Variants in SCFD2 observed in about 807,000 individuals in gnomAD.
The protein encoded by SCFD2 is sec1 family domain-containing protein 2.
Under a neutral mutation model 58.9 loss-of-function variants are expected in SCFD2, and 54 were observed. The ratio of observed to expected loss-of-function variants is 0.92; its 90% CI spans 0.74 to 1.15. SCFD2 has a LOEUF of 1.15. SCFD2 is among the 50% of genes most tolerant of loss of function. The pLI is 0.00. For synonymous variants in SCFD2, 321 were observed against 335.9 expected, an observed-to-expected ratio of 0.96 and a Z score of 0.49; for missense variants, 805 against 836.6, an observed-to-expected ratio of 0.96 and a Z score of 0.47.
chr4:53,031,635 C>A (rs1416271172), intron 5 of SCFD2, among the ~76,000 whole-genome samples: 2 of 151,996 alleles, frequency 1.3e-5, no homozygotes, highest in Non-Finnish European at 2.9e-5. Context: ...ACTTCATGAA[C>A]CATACACAAG....
At chr4:53,083,605 T>A (rs1724214229) in intron 5 of SCFD2, among the ~76,000 whole-genome samples, 1 of 152,158 alleles carries the variant, frequency 6.6e-6, no homozygotes, top group Admixed American at 6.6e-5. Context: ...TTCATCATTA[T>A]TGGGGGAACC....
intron 6 of SCFD2, among the ~76,000 whole-genome samples, chr4:52,911,675 C>T (rs1426716914): frequency 6.6e-6 from 1 of 152,174 alleles, no homozygotes; most frequent in Non-Finnish European, 1.5e-5. Flanking sequence ...TCATTTCTTA[C>T]ATTTTTTGGT....
intron 4 of SCFD2, among the ~76,000 whole-genome samples, chr4:53,230,288 T>C (rs1393099448): frequency 1.3e-5 from 2 of 152,114 alleles, no homozygotes; most frequent in African/African-American, 4.8e-5. Context: ...ACCCAAAGGA[T>C]TAGAAATCAT....
At chr4:52,895,955 G>A (rs967198951) in intron 7 of SCFD2, among the ~76,000 whole-genome samples, 1 of 152,182 alleles carries the variant, frequency 6.6e-6, no homozygotes, top group Non-Finnish European at 1.5e-5. Context: ...CTGCATAAAT[G>A]TCTTCTTTTG....
intron 5 of SCFD2, among the ~76,000 whole-genome samples, chr4:52,977,875 C>T (rs1203910315): frequency 2.0e-5 from 3 of 152,136 alleles, no homozygotes; most frequent in African/African-American, 4.8e-5. Context: ...ACTTCGTCTA[C>T]GGCAGATGAG....
intron 4 of SCFD2, among the ~76,000 whole-genome samples, chr4:53,192,997 T>C (rs924830229): frequency 2.0e-5 from 3 of 152,092 alleles, no homozygotes; most frequent in Non-Finnish European, 4.4e-5. Flanking sequence ...TATAAAAATA[T>C]ACAAATTAAA....
At position 52,953,415 on chromosome 4, in the gene SCFD2, C is replaced by T. The variant is rs1720645101; in HGVS notation, c.1562-32545G>A. ...ACCTCTACTATGTCTACAAGATAGA[C>T]AAGTTCACAGACAGCGCTGGACACC... On this transcript the variant is annotated intron_variant, in intron 5 of 8. Transcript: ENST00000401642. 2.6e-5 allele frequency among the ~76,000 whole-genome samples: 4 copies of T among 152,298 alleles called. No individual in the cohort carries two copies. In the South Asian group the frequency reaches 8.3e-4, roughly 32 times the overall value.
intron 5 of SCFD2, among the ~76,000 whole-genome samples, chr4:53,079,751 TGTG>T (rs1395528601): frequency 6.6e-6 from 1 of 152,130 alleles, no homozygotes; most frequent in Non-Finnish European, 1.5e-5. Flanking sequence ...CCCCTTACAT[TGTG>T]CTTTATAACC....
intron 4 of SCFD2, among the ~76,000 whole-genome samples, chr4:53,187,127 T>TC (rs1190423364): frequency 6.6e-6 from 1 of 151,746 alleles, no homozygotes; most frequent in African/African-American, 2.4e-5. Context: ...AGATTAAAAC[T>TC]CCAGTAGAAA....
At chr4:53,242,835 A>G (rs1311652788) in intron 4 of SCFD2, among the ~76,000 whole-genome samples, 1 of 152,226 alleles carries the variant, frequency 6.6e-6, no homozygotes, top group African/African-American at 2.4e-5. Context: ...TCAAAATGTA[A>G]TATCACAAGT....
intron 5 of SCFD2, among the ~76,000 whole-genome samples, chr4:53,113,171 A>G (rs72624190): frequency 0.36 from 54,227 of 151,980 alleles, 11,016 homozygotes; most frequent in Non-Finnish European, 0.44. Flanking sequence ...ACCCTTTCCT[A>G]ACTTCAAGAC....
chr4:53,121,794 T>C (rs1457171529), intron 5 of SCFD2, among the ~76,000 whole-genome samples: 1 of 152,226 alleles, frequency 6.6e-6, no homozygotes, highest in Non-Finnish European at 1.5e-5. Context: ...CTGCATATTG[T>C]TTCATATTAC....
intron 5 of SCFD2, among the ~76,000 whole-genome samples, chr4:53,115,852 T>C (rs1345900606): frequency 6.6e-6 from 1 of 152,192 alleles, no homozygotes; most frequent in Non-Finnish European, 1.5e-5. Context: ...AGAATAAAAA[T>C]AAAATGCTGC....
chr4:53,191,810 A>G (rs886609566), intron 4 of SCFD2, among the ~76,000 whole-genome samples: 3 of 152,194 alleles, frequency 2.0e-5, no homozygotes, highest in African/African-American at 7.2e-5. Context: ...AACAGAAAGC[A>G]CCAATTAGAA....
intron 5 of SCFD2, among the ~76,000 whole-genome samples, chr4:53,107,657 A>C (rs1725045567): frequency 6.6e-6 from 1 of 152,252 alleles, no homozygotes; most frequent in Non-Finnish European, 1.5e-5. Flanking sequence ...AAAGGGATCA[A>C]TGCAACAAGA....
At chr4:52,981,361 A>G (rs1260751138) in intron 5 of SCFD2, among the ~76,000 whole-genome samples, 9 of 152,204 alleles carry the variant, frequency 5.9e-5, no homozygotes, top group Non-Finnish European at 1.5e-5. Flanking sequence ...GCATTCTCAC[A>G]GGGTATACAC....
intron 5 of SCFD2, among the ~76,000 whole-genome samples, chr4:53,030,340 G>C (rs542666802): frequency 6.6e-5 from 10 of 152,040 alleles, no homozygotes; most frequent in South Asian, 2.1e-4. Flanking sequence ...ACAATACTAA[G>C]TGCTGGTAAG....
intron 4 of SCFD2, among the ~76,000 whole-genome samples, chr4:53,257,585 T>C (rs1730684689): frequency 6.6e-6 from 1 of 152,166 alleles, no homozygotes; most frequent in African/African-American, 2.4e-5. Context: ...AATGTTGTTA[T>C]ACTCTAATAA....
chr4:53,004,259 G>A (rs541207066), intron 5 of SCFD2, among the ~76,000 whole-genome samples: 4 of 152,182 alleles, frequency 2.6e-5, no homozygotes, highest in Non-Finnish European at 5.9e-5. Flanking sequence ...TCAGCTACAG[G>A]AAAACCAGAA....
Sources: gnomAD v4.1 joint callset for allele counts (sites outside exome capture counted in the v4.1 genomes callset) on GRCh38, gnomAD v4.1.1 for gene constraint, MANE v1.5 for transcripts, NCBI Gene and HGNC (gene_info 2026-07-23, HGNC 2026-07-21) for gene names.